The following HAPLN2 variants were observed in gnomAD, a reference collection of about 807,000 sequenced individuals.
HAPLN2 encodes hyaluronan and proteoglycan link protein 2.
Under a neutral mutation model 29.3 loss-of-function variants are expected in HAPLN2, and 27 were observed. The observed-to-expected ratio is 0.92, with a 90% CI of 0.68 to 1.27. The LOEUF (loss-of-function observed/expected upper bound fraction) is 1.27, where lower values mean the gene tolerates loss of function less well. Among genes scored for constraint, HAPLN2 ranks in the 50% most tolerant of loss-of-function variants. The probability of loss-of-function intolerance (pLI) is 0.00; values close to 1 mark genes in which losing one functional copy is unlikely to be tolerated. For synonymous variants in HAPLN2, 208 were observed against 211.7 expected, an observed-to-expected ratio of 0.98 and a Z score of 0.15; for missense variants, 454 against 484.3, an observed-to-expected ratio of 0.94 and a Z score of 0.59.
At position 156,624,673 on chromosome 1, in the gene HAPLN2, C is replaced by A. The variant is rs1414948602; in HGVS notation, c.629C>A (p.Thr210Asn). The change falls in exon 6 of 7, where the codon ACC (threonine) becomes AAC (asparagine). Residue 210 changes from threonine (T) to asparagine (N), a missense_variant. Thr to Asn is a moderately conservative substitution (Grantham distance 65). Coordinates refer to ENST00000255039, the MANE Select transcript of HAPLN2 (RefSeq NM_021817.3). ...GGCTCCGTGCGCTACCCTGTGCTCA[C>A]CGCACGCGCCCCGTGCGGCGGCCGA... ...LEGSVRYPVL[T>N]ARAPCGGRGR... is the part of the protein sequence containing the mutation. The A allele has an allele frequency of 6.2e-7, 1 of 1,606,460 alleles. No homozygotes were observed. The highest frequency in any genetic ancestry group is 8.5e-7 in the Non-Finnish European group (1 of 1,177,674).
At chr1:156,617,497 C>T (rs1486493595), upstream of HAPLN2, among the ~76,000 whole-genome samples, 2 of 151,844 alleles carry the variant, frequency 1.3e-5, no homozygotes, top group Non-Finnish European at 2.9e-5. Flanking sequence ...TACAGGCGCA[C>T]ACCACCATGC....
chr1:156,615,588 T>TC (rs2102517646), upstream of HAPLN2, among the ~76,000 whole-genome samples: 1 of 148,488 alleles, frequency 6.7e-6, no homozygotes, highest in South Asian at 2.2e-4. Context: ...TTTTTTTTTT[T>TC]CAGACAGAAT....
intron 2 of HAPLN2, among the ~76,000 whole-genome samples, chr1:156,622,381 G>A (rs1383675525): frequency 6.6e-6 from 1 of 151,936 alleles, no homozygotes; most frequent in African/African-American, 2.4e-5. Context: ...TTGAGTCTGG[G>A]AGGGCGAGGC....
chr1:156,624,921 G>T, intron 6 of HAPLN2, 138 bp downstream of exon 6: 1 of 233,020 alleles, frequency 4.3e-6, no homozygotes, highest in South Asian at 3.5e-5. Flanking sequence ...CCGCCCGCCC[G>T]CCCAGGCTCC....
chr1:156,624,100 C>A lies in HAPLN2; in HGVS notation c.379C>A (p.Arg127Ser). The A allele has an allele frequency of 2.5e-6, 4 of 1,613,768 alleles. No individual in the cohort carries two copies. Among genetic ancestry groups the A allele is most frequent in the Non-Finnish European group, 3.4e-6 (4 of 1,179,934 alleles). The change falls in exon 4 of 7, where the codon CGC becomes AGC. Residue 127 changes from arginine (R) to serine (S), a missense_variant. Around this residue, in one of 3 missense-constraint regions of HAPLN2, gnomAD observed 204 missense variants for 209.2 expected, o/e 0.98. Coordinates refer to ENST00000255039, the MANE Select transcript of HAPLN2 (RefSeq NM_021817.3). Reference protein sequence around the residue: ...GVRLEDEGRYRCELINGIEDE... With the variant: ...GVRLEDEGRYSCELINGIEDE... ...GCGCCTGGAGGACGAGGGCCGGTAC[C>A]GCTGCGAGCTCATCAACGGCATCGA...
chr1:156,617,744 G>C (rs1678096860), upstream of HAPLN2, among the ~76,000 whole-genome samples: 1 of 150,700 alleles, frequency 6.6e-6, no homozygotes, highest in African/African-American at 2.4e-5. Context: ...GAGAAAATAA[G>C]GCTAAAATGG....
chr1:156,623,354 C>T (rs1678316271), intron 2 of HAPLN2, 113 bp from the exon 3 acceptor site: 1 of 852,414 alleles, frequency 1.2e-6, no homozygotes, highest in Admixed American at 2.7e-5. Flanking sequence ...GCCCCAGTGG[C>T]TTCCAGCTGG....
chr1:156,615,003 T>G (rs758483848), upstream of HAPLN2: 6 of 152,234 alleles, frequency 3.9e-5, no homozygotes, highest in Non-Finnish European at 4.4e-5. Context: ...AGGTACTATT[T>G]TGTTTGACTG....
chr1:156,602,293 C>T, the HAPLN2 span, among the ~76,000 whole-genome samples: 7 of 151,956 alleles, frequency 4.6e-5, no homozygotes, highest in Non-Finnish European at 1.0e-4. Context: ...CCCTTTGGTA[C>T]TGGGGGATAA....
chr1:156,613,916 C>CAA, the HAPLN2 span, among the ~76,000 whole-genome samples: 1,269 of 115,242 alleles, frequency 0.011, 13 homozygotes, highest in Middle Eastern at 0.017. Flanking sequence ...GATTCCTTCT[C>CAA]AAAAAAAAAA....
upstream of HAPLN2, among the ~76,000 whole-genome samples, chr1:156,617,923 G>A (rs556139072): frequency 2.0e-5 from 3 of 152,140 alleles, no homozygotes; most frequent in South Asian, 2.1e-4. Flanking sequence ...ATGTACACAC[G>A]TAAAAATTCA....
At position 156,624,706 on chromosome 1, in the gene HAPLN2, C is replaced by T. The variant is rs1238479929; in HGVS notation, c.662C>T (p.Pro221Leu). The T allele has an allele frequency of 5.0e-6, 8 of 1,591,140 alleles. No individual in the cohort carries two copies. Among genetic ancestry groups the T allele is most frequent in the Non-Finnish European group, 6.0e-6 (7 of 1,172,718 alleles). Residue 221 changes from proline to leucine, a missense_variant, in exon 6 of 7, where the codon CCC (proline) becomes CTC (leucine). By Grantham distance (98) the Pro-to-Leu change is moderately conservative. Around this residue, in one of 3 missense-constraint regions of HAPLN2, gnomAD observed 235 missense variants for 236.9 expected, o/e 0.99. Transcript: ENST00000255039. ...ARAPCGGRGR[P>L]GIRSYGPRDR... ...GCCCCGTGCGGCGGCCGAGGCCGGC[C>T]CGGGATCCGCAGCTACGGACCCCGC...
At chr1:156,622,047 T>C (rs938002786) in intron 2 of HAPLN2, among the ~76,000 whole-genome samples, 5 of 152,214 alleles carry the variant, frequency 3.3e-5, no homozygotes, top group Admixed American at 6.5e-5. Flanking sequence ...AAAATAACTT[T>C]ATAATTTTAT....
At position 156,625,378 on chromosome 1, in the gene HAPLN2, G is replaced by T. The variant is rs1258554858; in HGVS notation, c.1017G>T (p.Glu339Asp). The change falls in exon 7 of 7, where the codon GAG becomes GAT. Residue 339 changes from glutamate (E) to aspartate (D), a missense_variant. Glu to Asp is a conservative substitution (Grantham distance 45). This residue lies in a region of HAPLN2 where 235 missense variants were observed against 236.9 expected (regional missense o/e 0.99). Coordinates refer to ENST00000255039, the MANE Select transcript of HAPLN2 (RefSeq NM_021817.3). The surrounding 1 kb of genome is among the most constrained non-coding windows in gnomAD (Gnocchi z 5.7). ...QAAYGTYCYA[E>D]N ...CCTATGGGACCTACTGCTACGCCGAGAATTAGGCGCCCACCGTGTCCCCTC... is the reference window on the plus strand; with the variant it reads ...CCTATGGGACCTACTGCTACGCCGATAATTAGGCGCCCACCGTGTCCCCTC... The T allele has an allele frequency of 1.3e-6, 2 of 1,588,486 alleles. No homozygotes were observed. Among genetic ancestry groups the T allele is most frequent in the South Asian group, 2.3e-5 (2 of 88,484 alleles).
chr1:156,615,062 T>G (rs187173916), upstream of HAPLN2: 10 of 152,314 alleles, frequency 6.6e-5, no homozygotes, highest in East Asian at 1.9e-3. Flanking sequence ...CTTCTGTGTC[T>G]CTGCAGACTG....
At chr1:156,601,566 A>G in the HAPLN2 span, 6 of 1,107,018 alleles carry the variant, frequency 5.4e-6, no homozygotes, top group Non-Finnish European at 7.9e-6. Context: ...ACCATTGCGG[A>G]GCCCAATTTG....
intron 6 of HAPLN2, 151 bp downstream of exon 6, chr1:156,624,934 C>G: frequency 9.4e-7 from 1 of 1,060,662 alleles, no homozygotes; most frequent in South Asian, 1.7e-5. Flanking sequence ...CAGGCTCCAG[C>G]TCACCTCTCC....
chr1:156,605,706 A>G, the HAPLN2 span, among the ~76,000 whole-genome samples: 2 of 152,196 alleles, frequency 1.3e-5, no homozygotes, highest in Non-Finnish European at 2.9e-5. Context: ...ACTTACTACA[A>G]AGCTACAGAC....
At chr1:156,606,447 AG>A in the HAPLN2 span, among the ~76,000 whole-genome samples, 3 of 146,372 alleles carry the variant, frequency 2.0e-5, no homozygotes, top group Non-Finnish European at 3.0e-5. Flanking sequence ...AAAAAAAAAA[AG>A]GAAAGAATCC....
Sources: allele counts gnomAD v4.1 joint callset (sites outside exome capture counted in the v4.1 genomes callset), GRCh38; gene constraint gnomAD v4.1.1; regional missense constraint gnomAD v4.1.1; non-coding constraint Gnocchi (gnomAD v3.1); transcripts MANE v1.5; gene names NCBI Gene and HGNC (gene_info 2026-07-23, HGNC 2026-07-21).